LRMDA: variants seen among roughly 807,000 people sequenced by gnomAD.
LRMDA encodes the protein leucine rich melanocyte differentiation associated, also known as leucine-rich melanocyte differentiation-associated protein.
A neutral mutation model predicts 29.8 loss-of-function variants in LRMDA; 18 were observed. The ratio of observed to expected loss-of-function variants is 0.60; its 90% confidence interval spans 0.42 to 0.90. The LOEUF is 0.90. Among genes scored for constraint, LRMDA ranks in the 40% least tolerant of loss-of-function variants. The pLI, the probability that LRMDA is intolerant of heterozygous loss-of-function variation, is 0.00. For synonymous variants in LRMDA, 125 were observed against 109.4 expected (o/e 1.14, Z -0.89); for missense variants, 273 against 273.9 (o/e 1.00, Z 0.02).
intron 2 of LRMDA, among the ~76,000 whole-genome samples, chr10:75,703,822 G>T (rs1314638815): frequency 6.6e-6 from 1 of 152,142 alleles, no homozygotes; most frequent in Non-Finnish European, 1.5e-5. Context: ...ATTTAGGATC[G>T]GCATGTGGAA....
intron 5 of LRMDA, among the ~76,000 whole-genome samples, chr10:76,306,451 T>C (rs1361589261): frequency 6.6e-6 from 1 of 152,210 alleles, no homozygotes; most frequent in Non-Finnish European, 1.5e-5. Context: ...GTGTAGCAGC[T>C]AGTCCTAAGT....
At chr10:76,046,741 C>G (rs1164567665) in intron 3 of LRMDA, among the ~76,000 whole-genome samples, 1 of 152,200 alleles carries the variant, frequency 6.6e-6, no homozygotes, top group Non-Finnish European at 1.5e-5. Context: ...ACCAGGGCCT[C>G]CCAACGTACT....
At chr10:75,467,399 T>C (rs780042440) in intron 2 of LRMDA, among the ~76,000 whole-genome samples, 3 of 152,192 alleles carry the variant, frequency 2.0e-5, no homozygotes, top group Admixed American at 1.3e-4. Context: ...ACACACTGAG[T>C]GTCTAAGTTG....
intron 5 of LRMDA, among the ~76,000 whole-genome samples, chr10:76,160,428 T>C (rs1425949162): frequency 5.3e-5 from 8 of 152,036 alleles, no homozygotes. Flanking sequence ...ATGACAATTG[T>C]GGTTATATTT....
rs191311923 is a variant in LRMDA at position 76,075,675 on chromosome 10, C to T, written c.516+16892C>T. On this transcript the variant is annotated intron_variant, in intron 5 of 6. Coordinates refer to ENST00000611255, the MANE Select transcript of LRMDA (RefSeq NM_001305581.2). ...AAACCCTTGGGCAAGTCTAGTTTGT[C>T]CTCCAGGGCTCAGATTGCTCATCTG... Among the ~76,000 whole-genome samples, 119 of 152,332 alleles carry T rather than the reference C, an allele frequency of 7.8e-4. 1 individual carries two copies. The highest frequency in any genetic ancestry group is 9.8e-4 in the Admixed American group (15 of 15,304).
At chr10:75,807,115 A>C (rs912629927) in intron 2 of LRMDA, among the ~76,000 whole-genome samples, 1 of 152,062 alleles carries the variant, frequency 6.6e-6, no homozygotes. Context: ...TCACCTCTCA[A>C]TTCATTGTGA....
chr10:75,880,201 C>G (rs1305389179), intron 2 of LRMDA, among the ~76,000 whole-genome samples: 1 of 152,134 alleles, frequency 6.6e-6, no homozygotes, highest in Non-Finnish European at 1.5e-5. Context: ...TGTTACAAAT[C>G]TGGGGCTATG....
chr10:76,539,061 G>T lies in LRMDA; in HGVS notation c.602-18148G>T, dbSNP rs1029241765. ...TCAGTTGGTCTATTTTTATAATAGC[G>T]TCTATTTTAAAAAAGGTATAACATC... On this transcript the variant is annotated intron_variant, in intron 6 of 6. Coordinates refer to ENST00000611255, the MANE Select transcript of LRMDA (RefSeq NM_001305581.2). 5.9e-5 allele frequency among the ~76,000 whole-genome samples: 9 copies of T among 152,006 alleles called. No homozygotes were observed. In the East Asian group the frequency reaches 9.7e-4, roughly 16 times the overall value.
chr10:75,951,585 G>A (rs1487217870), intron 2 of LRMDA, among the ~76,000 whole-genome samples: 1 of 152,208 alleles, frequency 6.6e-6, no homozygotes, highest in Non-Finnish European at 1.5e-5. Context: ...GCGAGCTGGT[G>A]CATAGTCCTG....
rs541141923 is a variant in LRMDA, at chr10:76,330,036, C to T, written c.601+5551C>T. Among the ~76,000 whole-genome samples the T allele has an allele frequency of 2.6e-5, 4 of 152,136 alleles. No individual in the cohort carries two copies. In the South Asian group the frequency reaches 8.3e-4, roughly 32 times the overall value. The stretch of plus-strand genomic sequence containing the variant: ...AATGTTTGGGATGGGGAGATGTTGG[C>T]CAGAAAAACTTCATGCCAACAAGCA... On this transcript the variant is annotated intron_variant, in intron 6 of 6. Transcript: ENST00000611255.
At chr10:76,157,971 G>A (rs897444073) in intron 5 of LRMDA, among the ~76,000 whole-genome samples, 1 of 132,578 alleles carries the variant, frequency 7.5e-6, no homozygotes, top group African/African-American at 2.5e-5. Flanking sequence ...AAGTATTTGT[G>A]TATCTAAACA....
chr10:75,682,017 G>T (rs1032185786), intron 2 of LRMDA, among the ~76,000 whole-genome samples: 1 of 152,160 alleles, frequency 6.6e-6, no homozygotes, highest in African/African-American at 2.4e-5. Flanking sequence ...CTTTAGGCGG[G>T]TCTAACTTTG....
chr10:76,445,927 A>AT (rs1438244679), intron 6 of LRMDA, among the ~76,000 whole-genome samples: 2 of 152,338 alleles, frequency 1.3e-5, no homozygotes, highest in African/African-American at 4.8e-5. Flanking sequence ...ACTTCAGATC[A>AT]TTTTTATTAT....
intron 2 of LRMDA, among the ~76,000 whole-genome samples, chr10:75,910,574 A>G (rs538249526): frequency 1.8e-4 from 27 of 152,268 alleles, no homozygotes; most frequent in Non-Finnish European, 2.9e-4. Flanking sequence ...TTAGGACTCT[A>G]TGTAATGTAA....
intron 5 of LRMDA, among the ~76,000 whole-genome samples, chr10:76,289,835 T>G (rs945345988): frequency 1.3e-5 from 2 of 152,188 alleles, no homozygotes; most frequent in African/African-American, 4.8e-5. Context: ...GGTTATTGAC[T>G]TCATGTCTTT....
rs76651380 is a variant in LRMDA, at chr10:75,927,251, C to T, written c.132-108757C>T. ...AATGTGTTTCTCTAGAATTTCCATC[C>T]ATTGGTCCTTTTCCTAACTCCCTGG... On this transcript the variant is annotated intron_variant, in intron 2 of 6. Coordinates refer to ENST00000611255, the MANE Select transcript of LRMDA (RefSeq NM_001305581.2). Among the ~76,000 whole-genome samples, 979 of 152,262 alleles carry T rather than the reference C, an allele frequency of 6.4e-3. 49 individuals carry two copies. In the East Asian group the frequency reaches 0.14, roughly 22 times the overall value.
intron 2 of LRMDA, among the ~76,000 whole-genome samples, chr10:75,744,302 C>T (rs1213085924): frequency 6.6e-6 from 1 of 152,142 alleles, no homozygotes; most frequent in Non-Finnish European, 1.5e-5. Context: ...GTTCATATAT[C>T]CTCCTTAACC....
intron 5 of LRMDA, among the ~76,000 whole-genome samples, chr10:76,106,694 G>A (rs1849490920): frequency 6.6e-6 from 1 of 152,160 alleles, no homozygotes; most frequent in African/African-American, 2.4e-5. Flanking sequence ...GGAGACGGAA[G>A]GTAAATCAAA....
intron 5 of LRMDA, among the ~76,000 whole-genome samples, chr10:76,086,571 A>G (rs1589320582): frequency 6.6e-6 from 1 of 152,150 alleles, no homozygotes; most frequent in Non-Finnish European, 1.5e-5. Flanking sequence ...GAATATTTCT[A>G]TACACTCTAT....
Sources: gnomAD v4.1 joint callset for allele counts (sites outside exome capture counted in the v4.1 genomes callset) on GRCh38, gnomAD v4.1.1 for gene constraint, MANE v1.5 for transcripts, NCBI Gene and HGNC (gene_info 2026-07-23, HGNC 2026-07-21) for gene names.